SMAD3: variants seen among roughly 807,000 people sequenced by gnomAD.
SMAD3 encodes SMAD family member 3, also known as MAD homolog 3.
SMAD3 carries 12 observed loss-of-function variants against 51.8 expected under a neutral mutation model. That is an observed-to-expected ratio of 0.23 (90% CI 0.15 to 0.38). The LOEUF is 0.38. SMAD3 is among the 10% of genes least tolerant of loss of function. SMAD3 has a pLI of 1.00. For synonymous variants in SMAD3, 238 were observed against 227.7 expected (o/e 1.05, Z -0.41); for missense variants, 294 against 565.6 (o/e 0.52, Z 4.87).
chr15:67,152,503 C>T (rs549585750), intron 1 of SMAD3, among the ~76,000 whole-genome samples: 27 of 152,252 alleles, frequency 1.8e-4, no homozygotes, highest in South Asian at 4.2e-4. Context: ...TGTTGGAGGT[C>T]AGCTTTTGGG....
chr15:67,141,821 C>T (rs1961831948), intron 1 of SMAD3, among the ~76,000 whole-genome samples: 1 of 152,152 alleles, frequency 6.6e-6, no homozygotes. Flanking sequence ...TTACCTCCTG[C>T]AGCTGAACTT....
At chr15:67,176,504 G>A (rs569295324) in intron 5 of SMAD3, among the ~76,000 whole-genome samples, 5 of 152,336 alleles carry the variant, frequency 3.3e-5, no homozygotes, top group South Asian at 2.1e-4. Flanking sequence ...CCTTGCTTTC[G>A]ATTTATAGGA....
intron 1 of SMAD3, among the ~76,000 whole-genome samples, chr15:67,072,731 G>A (rs1414654074): frequency 6.6e-6 from 1 of 152,130 alleles, no homozygotes; most frequent in Non-Finnish European, 1.5e-5. Flanking sequence ...CCTAAGGAGG[G>A]GTATGACCTT....
At chr15:67,134,029 C>T (rs145256569) in intron 1 of SMAD3, among the ~76,000 whole-genome samples, 14 of 152,172 alleles carry the variant, frequency 9.2e-5, no homozygotes, top group Admixed American at 5.9e-4. Flanking sequence ...AGCACCTTCA[C>T]GTTTAGCAGT....
At chr15:67,158,180 G>T (rs1962334945) in intron 1 of SMAD3, among the ~76,000 whole-genome samples, 1 of 152,140 alleles carries the variant, frequency 6.6e-6, no homozygotes, top group Non-Finnish European at 1.5e-5. Context: ...TTATTTATTG[G>T]ATTTACTTAA....
At chr15:67,131,673 C>G (rs543093935) in intron 1 of SMAD3, among the ~76,000 whole-genome samples, 9 of 152,140 alleles carry the variant, frequency 5.9e-5, no homozygotes, top group Non-Finnish European at 1.2e-4. Flanking sequence ...CTCTCGAGAG[C>G]CCTAACTTAG....
At chr15:67,122,831 A>G (rs1057068275) in intron 1 of SMAD3, among the ~76,000 whole-genome samples, 3 of 152,166 alleles carry the variant, frequency 2.0e-5, no homozygotes, top group African/African-American at 7.2e-5. Context: ...GGACTTAAAC[A>G]TTCTAAGTCC....
chr15:67,077,626 T>C (rs1467833031), intron 1 of SMAD3, among the ~76,000 whole-genome samples: 1 of 152,144 alleles, frequency 6.6e-6, no homozygotes, highest in African/African-American at 2.4e-5. Flanking sequence ...AAACAAAATA[T>C]TTGGGAGCCT....
chr15:67,173,414 G>A (rs1487704945), intron 5 of SMAD3, among the ~76,000 whole-genome samples: 1 of 152,098 alleles, frequency 6.6e-6, no homozygotes, highest in Non-Finnish European at 1.5e-5. Flanking sequence ...TGTGTGAGCG[G>A]GCCCTTGAAG....
chr15:67,163,555 A>C (rs1344238851), intron 1 of SMAD3, among the ~76,000 whole-genome samples: 8 of 152,134 alleles, frequency 5.3e-5, no homozygotes, highest in Non-Finnish European at 1.0e-4. Flanking sequence ...CCTGTAAGCC[A>C]CCCAGACTCT....
At chr15:67,120,317 C>G (rs1211935644) in intron 1 of SMAD3, among the ~76,000 whole-genome samples, 1 of 152,168 alleles carries the variant, frequency 6.6e-6, no homozygotes, top group Non-Finnish European at 1.5e-5. Context: ...CTCAGGCAGC[C>G]CTGCCATGAC....
intron 5 of SMAD3, among the ~76,000 whole-genome samples, chr15:67,175,717 C>G (rs564672152): frequency 6.6e-6 from 1 of 152,306 alleles, no homozygotes; most frequent in African/African-American, 2.4e-5. Flanking sequence ...GGCTTCCCCT[C>G]TGCTTCATGA....
chr15:67,112,887 T>C (rs1349755218), intron 1 of SMAD3, among the ~76,000 whole-genome samples: 1 of 130,426 alleles, frequency 7.7e-6, no homozygotes, highest in Non-Finnish European at 1.6e-5. Flanking sequence ...GCACTGTTTG[T>C]TGAGAAGAAT....
intron 1 of SMAD3, among the ~76,000 whole-genome samples, chr15:67,072,378 C>T (rs555900543): frequency 1.6e-4 from 24 of 152,304 alleles, no homozygotes; most frequent in African/African-American, 5.3e-4. Context: ...TCCTGTTAAC[C>T]TTATTCTCCC....
At chr15:67,161,390 G>A (rs565973970) in intron 1 of SMAD3, among the ~76,000 whole-genome samples, 1 of 152,102 alleles carries the variant, frequency 6.6e-6, no homozygotes, top group African/African-American at 2.4e-5. Flanking sequence ...TACTACTAAG[G>A]CAAGAGGGCC....
chr15:67,125,551 A>G (rs1961364469), intron 1 of SMAD3, among the ~76,000 whole-genome samples: 1 of 152,218 alleles, frequency 6.6e-6, no homozygotes, highest in Admixed American at 6.5e-5. Context: ...GGAGTTAACC[A>G]CTTTTTAGGC....
At chr15:67,121,382 C>G (rs1478087636) in intron 1 of SMAD3, among the ~76,000 whole-genome samples, 1 of 152,184 alleles carries the variant, frequency 6.6e-6, no homozygotes, top group Non-Finnish European at 1.5e-5. Flanking sequence ...TGGCTCTCCC[C>G]CCACGAGTGA....
intron 1 of SMAD3, among the ~76,000 whole-genome samples, chr15:67,106,678 G>A (rs775508377): frequency 9.6e-4 from 146 of 152,250 alleles, no homozygotes; most frequent in Admixed American, 9.2e-4. Context: ...CATATGTGGA[G>A]GACACTTATG....
At chr15:67,113,263 TGTA>T (rs200237984) in intron 1 of SMAD3, among the ~76,000 whole-genome samples, 4 of 120,426 alleles carry the variant, frequency 3.3e-5, no homozygotes, top group Admixed American at 8.8e-5. Context: ...ATTTTTTTTT[TGTA>T]TTTTTAGTAG....
Sources: allele counts gnomAD v4.1 joint callset (sites outside exome capture counted in the v4.1 genomes callset), GRCh38; gene constraint gnomAD v4.1.1; transcripts MANE v1.5; gene names NCBI Gene and HGNC (gene_info 2026-07-23, HGNC 2026-07-21).